The following DLC1 variants were observed in gnomAD, a reference collection of about 807,000 sequenced individuals.
DLC1 encodes the protein DLC1 Rho GTPase activating protein, also known as rho GTPase-activating protein 7.
Under a neutral mutation model 140.3 loss-of-function variants are expected in DLC1, and 54 were observed. That is an observed-to-expected ratio of 0.38 (90% confidence interval 0.31 to 0.48). The LOEUF (loss-of-function observed/expected upper bound fraction) is 0.48, where lower values mean the gene tolerates loss of function less well. DLC1 is among the 20% of genes least tolerant of loss of function. The pLI is 0.96. For synonymous variants in DLC1, 986 were observed against 728.1 expected, an observed-to-expected ratio of 1.35 and a Z score of -5.70; for missense variants, 2,536 against 1,907.0, an observed-to-expected ratio of 1.33 and a Z score of -6.14.
At chr8:13,508,830 G>T (rs182041497) in intron 1 of DLC1, among the ~76,000 whole-genome samples, 2 of 152,102 alleles carry the variant, frequency 1.3e-5, no homozygotes, top group East Asian at 3.9e-4. Flanking sequence ...AATAATTTGG[G>T]CATTTACAAA....
At chr8:13,344,206 C>G (rs77342016) in intron 4 of DLC1, among the ~76,000 whole-genome samples, 4 of 152,176 alleles carry the variant, frequency 2.6e-5, no homozygotes, top group African/African-American at 9.7e-5. Flanking sequence ...AAAATACTTT[C>G]AATCAGCCTG....
At chr8:13,089,140 GT>G (rs1352234175) in intron 15 of DLC1, among the ~76,000 whole-genome samples, 1 of 151,314 alleles carries the variant, frequency 6.6e-6, no homozygotes, top group African/African-American at 2.4e-5. Context: ...GCACCTGTAA[GT>G]CCAGCTACTC....
chr8:13,099,403 G>A lies in DLC1; in HGVS notation c.2934C>T (p.Ser978=), dbSNP rs1192598707. Residue 978 remains serine (S), a synonymous_variant, in exon 9 of 18, where the codon TCC becomes TCT. Coordinates refer to ENST00000276297, the MANE Select transcript of DLC1 (RefSeq NM_182643.3). ...CAGAATCCCTTCTTTCCGGGATCTCGGAGGGCTCTTCCGGTTCATTCAGGG... is the reference window on the plus strand; with the variant it reads ...CAGAATCCCTTCTTTCCGGGATCTCAGAGGGCTCTTCCGGTTCATTCAGGG... ...GNSLNEPEEP[S]EIPERRDSGV... 1 of 1,613,978 alleles carries A rather than the reference G, an allele frequency of 6.2e-7. No homozygotes were observed. The highest frequency in any genetic ancestry group is 2.2e-5 in the East Asian group (1 of 44,882).
rs139508833 is a variant in DLC1 at position 13,195,033 on chromosome 8, C to T, written c.1349-79376G>A. 3.7e-3 allele frequency among the ~76,000 whole-genome samples: 557 copies of T among 152,142 alleles called. 4 individuals carry two copies. Among genetic ancestry groups the T allele is most frequent in the Middle Eastern group, 0.01 (3 of 294 alleles). On this transcript the variant is annotated intron_variant, in intron 5 of 17. Coordinates refer to ENST00000276297, the MANE Select transcript of DLC1 (RefSeq NM_182643.3). The stretch of plus-strand genomic sequence containing the variant: ...TCAAAAACAGCAAAAGAAAGTAAAC[C>T]TAGAAAAACCAAACTCTCCTTTAAA...
chr8:13,351,190 T>C (rs73203963), intron 4 of DLC1, among the ~76,000 whole-genome samples: 10,905 of 152,332 alleles, frequency 0.072, 445 homozygotes, highest in South Asian at 0.1. Context: ...ATCTGTTCTA[T>C]ACAAGCACAG....
At chr8:13,121,090 T>G (rs1468103054) in intron 5 of DLC1, among the ~76,000 whole-genome samples, 3 of 152,250 alleles carry the variant, frequency 2.0e-5, no homozygotes, top group Non-Finnish European at 2.9e-5. Flanking sequence ...CAGTGAATTT[T>G]TTTTAAAAAT....
At chr8:13,399,635 G>A (rs1837210970) in intron 3 of DLC1, among the ~76,000 whole-genome samples, 1 of 152,098 alleles carries the variant, frequency 6.6e-6, no homozygotes, top group South Asian at 2.1e-4. Context: ...GGCTTGCAAA[G>A]GAGAAAACCA....
rs995656330 is a variant in DLC1, at chr8:13,092,818, G to A, written c.3534C>T (p.Pro1178=). The A allele has an allele frequency of 2.5e-6, 4 of 1,612,666 alleles. No homozygotes were observed. The highest frequency in any genetic ancestry group is 1.3e-5 in the African/African-American group (1 of 74,890). ...TGATGGCCTGCAGGCGCTGGTCCTT[G>A]GGCACATCTGCACGACACCAGCACT... ...ETFLQIYQYV[P]KDQRLQAIKA... The change falls in exon 13 of 18, where the codon CCC becomes CCT. Residue 1178 remains proline, a synonymous_variant. Coordinates refer to ENST00000276297, the MANE Select transcript of DLC1 (RefSeq NM_182643.3).
chr8:13,475,558 C>T (rs1039036237), intron 2 of DLC1, among the ~76,000 whole-genome samples: 2 of 152,218 alleles, frequency 1.3e-5, no homozygotes, highest in South Asian at 2.1e-4. Context: ...TGAATAGCGA[C>T]CATAGAAAAT....
At chr8:13,575,211 C>T (rs912834516) in intron 1 of DLC1, among the ~76,000 whole-genome samples, 4 of 152,042 alleles carry the variant, frequency 2.6e-5, no homozygotes, top group African/African-American at 4.8e-5. Flanking sequence ...CACTGTTTGT[C>T]GAGGTATTAA....
intron 1 of DLC1, among the ~76,000 whole-genome samples, chr8:13,521,301 G>T (rs1462515326): frequency 6.6e-6 from 1 of 151,996 alleles, no homozygotes; most frequent in Non-Finnish European, 1.5e-5. Context: ...TGCACGTGGG[G>T]CTTAATACCT....
intron 4 of DLC1, among the ~76,000 whole-genome samples, chr8:13,384,957 A>AT (rs984574865): frequency 2.0e-5 from 3 of 152,100 alleles, no homozygotes; most frequent in Non-Finnish European, 4.4e-5. Context: ...CTTTCTTATA[A>AT]TTTGTTTAGT....
chr8:13,365,250 A>C (rs1031153594), intron 4 of DLC1, among the ~76,000 whole-genome samples: 1 of 152,152 alleles, frequency 6.6e-6, no homozygotes, highest in African/African-American at 2.4e-5. Context: ...GATTATATCT[A>C]TCCTTTAGAA....
intron 5 of DLC1, among the ~76,000 whole-genome samples, chr8:13,240,701 G>A (rs1563190837): frequency 6.6e-6 from 1 of 152,160 alleles, no homozygotes; most frequent in African/African-American, 2.4e-5. Flanking sequence ...CCAAAGTGCT[G>A]GGATTACAGG....
intron 16 of DLC1, among the ~76,000 whole-genome samples, chr8:13,087,836 A>C (rs186917066): frequency 3.3e-5 from 5 of 152,250 alleles, no homozygotes; most frequent in Non-Finnish European, 5.9e-5. Context: ...CCTTAACCAC[A>C]TCTCCCTTGG....
At position 13,099,802 on chromosome 8, in the gene DLC1, G is replaced by A; in HGVS notation, c.2535C>T (p.Gly845=). ...SVNWRTGSFH[G]PGHISLRREN... is the part of the protein sequence containing the mutation. ...CCCTCCTGAGGCTGATGTGGCCAGG[G>A]CCGTGGAAGCTTCCCGTCCTCCAGT... Residue 845 remains glycine (G), a synonymous_variant, in exon 9 of 18, where the codon GGC becomes GGT. Coordinates refer to ENST00000276297, the MANE Select transcript of DLC1 (RefSeq NM_182643.3). The A allele has an allele frequency of 6.2e-7, 1 of 1,614,168 alleles. No homozygotes were observed. The highest frequency in any genetic ancestry group is 2.2e-5 in the East Asian group (1 of 44,862).
intron 1 of DLC1, among the ~76,000 whole-genome samples, chr8:13,566,130 TA>T (rs1804419228): frequency 6.6e-6 from 1 of 152,124 alleles, no homozygotes; most frequent in African/African-American, 2.4e-5. Flanking sequence ...CATAATCAGA[TA>T]CTCATACAAT....
intron 5 of DLC1, among the ~76,000 whole-genome samples, chr8:13,205,096 G>GA (rs368442521): frequency 2.2e-4 from 32 of 148,016 alleles, no homozygotes; most frequent in African/African-American, 5.9e-4. Flanking sequence ...GTCACACTAG[G>GA]AAAAAAAAAA....
intron 5 of DLC1, among the ~76,000 whole-genome samples, chr8:13,136,069 T>A (rs1185161861): frequency 6.6e-6 from 1 of 152,230 alleles, no homozygotes; most frequent in Non-Finnish European, 1.5e-5. Context: ...ATTCCACTCT[T>A]CTTAGAAATG....
Sources: allele counts gnomAD v4.1 joint callset (sites outside exome capture counted in the v4.1 genomes callset), GRCh38; gene constraint gnomAD v4.1.1; transcripts MANE v1.5; gene names NCBI Gene and HGNC (gene_info 2026-07-23, HGNC 2026-07-21).